The following UGT1A7 variants were observed in gnomAD, a reference collection of about 807,000 sequenced individuals.
The protein encoded by UGT1A7 is UDP-glucuronosyltransferase 1A7.
A neutral mutation model predicts 45.6 loss-of-function variants in UGT1A7; 33 were observed. The ratio of observed to expected loss-of-function variants is 0.72; its 90% CI spans 0.55 to 0.97. The LOEUF (loss-of-function observed/expected upper bound fraction) is 0.97, where lower values mean the gene tolerates loss of function less well. Ranked by LOEUF, UGT1A7 falls within the 50% of genes least tolerant of loss-of-function variation. UGT1A7 has a pLI of 0.00. For missense variants in UGT1A7, 684 were observed against 666.2 expected (o/e 1.03, Z -0.29); for synonymous variants, 274 against 250.6 (o/e 1.09, Z -0.88).
intron 1 of UGT1A7, among the ~76,000 whole-genome samples, chr2:233,704,872 T>G (rs902231183): frequency 1.3e-5 from 2 of 152,060 alleles, no homozygotes; most frequent in Non-Finnish European, 2.9e-5. Context: ...GGTGGCTCAC[T>G]CCTGTAATCC....
intron 1 of UGT1A7, chr2:233,693,924 C>T: frequency 6.2e-7 from 1 of 1,609,314 alleles, no homozygotes; most frequent in East Asian, 2.2e-5. Context: ...TCCTCCCTCA[C>T]TCATTTGGCT....
intron 1 of UGT1A7, among the ~76,000 whole-genome samples, chr2:233,694,677 G>C (rs910499243): frequency 6.6e-6 from 1 of 152,150 alleles, no homozygotes; most frequent in African/African-American, 2.4e-5. Context: ...GCCTCAAACA[G>C]GTCCCAAAGA....
rs371763780 is a variant in UGT1A7 at position 233,751,446 on chromosome 2, A to G, written c.856-15588A>G. Among the ~76,000 whole-genome samples, 1,356 of 152,090 alleles carry G rather than the reference A, an allele frequency of 8.9e-3. 29 individuals are homozygous for G. Among genetic ancestry groups the G allele is most frequent in the African/African-American group, 0.031 (1,276 of 41,348 alleles). On this transcript the variant is annotated intron_variant, in intron 1 of 4. Transcript: ENST00000373426. Reference sequence around the variant, plus strand: ...TGCTGAAATGAGTTAAGACTTTGGAAGATTGTTGGGAAGGCACGATTGGTT... The same window carrying G: ...TGCTGAAATGAGTTAAGACTTTGGAGGATTGTTGGGAAGGCACGATTGGTT...
At chr2:233,740,871 A>C (rs1370147954) in intron 1 of UGT1A7, 1 of 151,850 alleles carries the variant, frequency 6.6e-6, no homozygotes, top group Non-Finnish European at 1.5e-5. Context: ...TCTTTAAATA[A>C]AATGCTCTTG....
At chr2:233,704,428 G>A (rs1028112789) in intron 1 of UGT1A7, among the ~76,000 whole-genome samples, 1 of 151,928 alleles carries the variant, frequency 6.6e-6, no homozygotes, top group African/African-American at 2.4e-5. Context: ...CTTAATTCCA[G>A]TTAAATATTG....
At chr2:233,768,744 G>A (rs903121977) in intron 4 of UGT1A7, among the ~76,000 whole-genome samples, 12 of 151,626 alleles carry the variant, frequency 7.9e-5, no homozygotes, top group African/African-American at 2.4e-4. Context: ...CACCACGCCC[G>A]GTTAATTTTT....
chr2:233,751,391 A>G (rs1477667065), intron 1 of UGT1A7, among the ~76,000 whole-genome samples: 1 of 152,112 alleles, frequency 6.6e-6, no homozygotes, highest in African/African-American at 2.4e-5. Flanking sequence ...TGTCTCAGAT[A>G]AGACTTTGGA....
intron 1 of UGT1A7, chr2:233,691,054 G>T: frequency 4.1e-6 from 4 of 987,462 alleles, no homozygotes; most frequent in Non-Finnish European, 4.8e-6. Flanking sequence ...GCAGAGTGGA[G>T]GTCTAGTATA....
chr2:233,688,230 G>T (rs1056859026), intron 1 of UGT1A7, among the ~76,000 whole-genome samples: 3 of 152,180 alleles, frequency 2.0e-5, no homozygotes, highest in Non-Finnish European at 4.4e-5. Flanking sequence ...CCATGTTGTA[G>T]CATGAATCAG....
chr2:233,725,119 T>G (rs1275718830), intron 1 of UGT1A7, among the ~76,000 whole-genome samples: 3 of 139,294 alleles, frequency 2.2e-5, no homozygotes. Flanking sequence ...GAGGTTGCAG[T>G]GAGCCGAGAT....
Position 233,747,385 on chromosome 2 carries a change from C to T in UGT1A7, c.856-19649C>T, listed in dbSNP as rs531193212. The T allele has an allele frequency of 6.7e-4, 1,075 of 1,604,740 alleles. 9 individuals are homozygous for T. The highest frequency in any genetic ancestry group is 4.1e-3 in the African/African-American group (305 of 74,460). Reference sequence around the variant, plus strand: ...GAGCTCCATGCCAGAGGCCACCAGGCGGTGGTCCTCACCCCAGAGGTGAAT... The same window carrying T: ...GAGCTCCATGCCAGAGGCCACCAGGTGGTGGTCCTCACCCCAGAGGTGAAT... On this transcript the variant is annotated intron_variant, in intron 1 of 4. Transcript: ENST00000373426.
At chr2:233,699,044 G>A (rs1467875963) in intron 1 of UGT1A7, among the ~76,000 whole-genome samples, 1 of 152,200 alleles carries the variant, frequency 6.6e-6, no homozygotes, top group Non-Finnish European at 1.5e-5. Context: ...CAGATGTCCT[G>A]AAACAACTTA....
intron 1 of UGT1A7, chr2:233,761,111 T>G: frequency 1.9e-6 from 3 of 1,614,220 alleles, no homozygotes; most frequent in Non-Finnish European, 2.5e-6. Context: ...ATGGTTTTTG[T>G]TGGTGGAATC....
At chr2:233,718,914 T>C (rs373069908) in intron 1 of UGT1A7, 68 of 1,613,948 alleles carry the variant, frequency 4.2e-5, no homozygotes, top group Admixed American at 6.7e-5. Context: ...TGGAAAGGTG[T>C]TGGTGGTGCC....
At chr2:233,741,092 C>G (rs1056351038) in intron 1 of UGT1A7, among the ~76,000 whole-genome samples, 2 of 151,810 alleles carry the variant, frequency 1.3e-5, no homozygotes, top group African/African-American at 4.9e-5. Flanking sequence ...AACAAACAAG[C>G]AAACAGACAA....
chr2:233,717,173 C>T (rs1198418738), intron 1 of UGT1A7, among the ~76,000 whole-genome samples: 1 of 152,178 alleles, frequency 6.6e-6, no homozygotes, highest in African/African-American at 2.4e-5. Context: ...TTGAATGTGG[C>T]AAGAGCACCC....
rs767023426 is a variant in UGT1A7 at position 233,682,627 on chromosome 2, A to G, written c.690A>G (p.Ile230Met). 6.2e-7 allele frequency: 1 copy of G among 1,613,954 alleles called. No homozygotes were observed. The highest frequency in any genetic ancestry group is 1.1e-5 in the South Asian group (1 of 91,078). The change falls in exon 1 of 5, where the codon ATA becomes ATG. Residue 230 changes from isoleucine to methionine, a missense_variant. By Grantham distance (10) the Ile-to-Met change is conservative. Coordinates refer to ENST00000373426, the MANE Select transcript of UGT1A7 (RefSeq NM_019077.3). ...CPYFFKNVLE[I>M]ASEILQTPVT... ...ATTTTTTCAAAAATGTCTTAGAAAT[A>G]GCCTCTGAAATTCTCCAAACCCCTG...
chr2:233,768,334 A>G lies in UGT1A7; in HGVS notation c.1190A>G (p.Asn397Ser). 6.2e-7 allele frequency: 1 copy of G among 1,614,208 alleles called. No homozygotes were observed. The highest frequency in any genetic ancestry group is 8.5e-7 in the Non-Finnish European group (1 of 1,180,040). Reference protein sequence around the residue: ...MMPLFGDQMDNAKRMETKGAG... With the variant: ...MMPLFGDQMDSAKRMETKGAG... ...CCCTTGTTTGGTGATCAGATGGACA[A>G]TGCAAAGCGCATGGAGACTAAGGGA... The change falls in exon 4 of 5, where the codon AAT becomes AGT. Residue 397 changes from asparagine (N) to serine (S), a missense_variant. Physicochemically the swap from Asn to Ser is conservative, Grantham distance 46. Transcript: ENST00000373426.
chr2:233,724,460 G>A lies in UGT1A7; in HGVS notation c.855+41668G>A, dbSNP rs551187141. 1.6e-3 allele frequency among the ~76,000 whole-genome samples: 182 copies of A among 113,876 alleles called. 4 individuals carry two copies. Among genetic ancestry groups the A allele is most frequent in the Middle Eastern group, 0.011 (2 of 176 alleles). The allele number at this position is 113,876 out of a possible 152,430, so 74.7% of individuals were successfully genotyped here. A position where few individuals can be genotyped will look rare whatever the true frequency, so the allele number is the denominator to read the frequency against. ...TTCTCAGACAGGGCAGCTGCCGGGC[G>A]GAGGGGCTCCTCACTTCTCAGACGG... On this transcript the variant is annotated intron_variant, in intron 1 of 4. Transcript: ENST00000373426.
Sources: gnomAD v4.1 joint callset for allele counts (sites outside exome capture counted in the v4.1 genomes callset) on GRCh38, gnomAD v4.1.1 for gene constraint, MANE v1.5 for transcripts, NCBI Gene and HGNC (gene_info 2026-07-23, HGNC 2026-07-21) for gene names.